The following C1orf94 variants were observed in gnomAD, a reference collection of about 807,000 sequenced individuals.
C1orf94 encodes uncharacterized protein C1orf94.
In C1orf94, 45 loss-of-function variants were observed where a neutral mutation model predicts 53.6. The observed-to-expected ratio is 0.84, with a 90% CI of 0.66 to 1.08. The LOEUF is 1.08. Ranked by LOEUF, C1orf94 falls within the 50% of genes least tolerant of loss-of-function variation. The probability of loss-of-function intolerance (pLI) is 0.00; values close to 1 mark genes in which losing one functional copy is unlikely to be tolerated. For synonymous variants in C1orf94, 304 were observed against 296.1 expected (o/e 1.03, Z -0.27); for missense variants, 762 against 738.9 (o/e 1.03, Z -0.36).
At chr1:34,181,222 T>C (rs909307323) in intron 1 of C1orf94, among the ~76,000 whole-genome samples, 1 of 152,182 alleles carries the variant, frequency 6.6e-6, no homozygotes, top group African/African-American at 2.4e-5. Flanking sequence ...TCCCAGAATG[T>C]TTTTGTCTCT....
At chr1:34,195,187 C>A (rs914917739) in intron 1 of C1orf94, among the ~76,000 whole-genome samples, 4 of 152,126 alleles carry the variant, frequency 2.6e-5, no homozygotes, top group African/African-American at 4.8e-5. Context: ...CCTTCAGGAG[C>A]TGGCCGGGAC....
exon 1 of C1orf94, chr1:34,167,055 C>T (rs1314785194): frequency 6.6e-6 from 1 of 152,404 alleles, no homozygotes; most frequent in Admixed American, 6.5e-5. Flanking sequence ...GCTTTATGTT[C>T]CCGGGGCAGT....
At chr1:34,215,166 A>G (rs1642964097) in intron 6 of C1orf94, among the ~76,000 whole-genome samples, 1 of 152,210 alleles carries the variant, frequency 6.6e-6, no homozygotes, top group East Asian at 1.9e-4. Flanking sequence ...GCCAAGATCT[A>G]AATGAGATGA....
intron 1 of C1orf94, among the ~76,000 whole-genome samples, chr1:34,168,566 A>G (rs1642088808): frequency 6.6e-6 from 1 of 152,214 alleles, no homozygotes; most frequent in South Asian, 2.1e-4. Context: ...ACAAAGTACC[A>G]TAGACCCTGT....
At chr1:34,215,774 G>T (rs377723573) in intron 6 of C1orf94, among the ~76,000 whole-genome samples, 1 of 152,192 alleles carries the variant, frequency 6.6e-6, no homozygotes, top group African/African-American at 2.4e-5. Flanking sequence ...CGGAGACCGA[G>T]GTGGGTGGAT....
chr1:34,218,482 A>G (rs1385011372), intron 6 of C1orf94, among the ~76,000 whole-genome samples: 3 of 152,126 alleles, frequency 2.0e-5, no homozygotes, highest in African/African-American at 7.2e-5. Context: ...CATAAGGAGA[A>G]GCGCTTGATT....
At chr1:34,205,018 G>A (rs1642769545) in intron 4 of C1orf94, among the ~76,000 whole-genome samples, 1 of 152,218 alleles carries the variant, frequency 6.6e-6, no homozygotes, top group Non-Finnish European at 1.5e-5. Context: ...CCCTCACAGA[G>A]CTCACCGTGT....
intron 4 of C1orf94, among the ~76,000 whole-genome samples, chr1:34,205,907 A>G (rs1642785718): frequency 6.6e-6 from 1 of 152,142 alleles, no homozygotes; most frequent in South Asian, 2.1e-4. Flanking sequence ...TGAAGGAGGG[A>G]GGGTGCGTGG....
chr1:34,202,987 G>C (rs1024646039), intron 4 of C1orf94, among the ~76,000 whole-genome samples: 3 of 152,228 alleles, frequency 2.0e-5, no homozygotes, highest in Admixed American at 6.5e-5. Context: ...GTAATCTAGA[G>C]ATTAAAGGAT....
In C1orf94 at chr1:34,214,995, C is replaced by T. The variant is rs11801230; in HGVS notation, c.1721+2589C>T. On this transcript the variant is annotated intron_variant, in intron 6 of 6. Coordinates refer to ENST00000488417, the MANE Select transcript of C1orf94 (RefSeq NM_001134734.2). ...ATGTGCCTGGCACTGTTGTAGACAC[C>T]AGGGATAATGAAGTGAACGAAAAAA... Among the ~76,000 whole-genome samples, 783 of 152,192 alleles carry T rather than the reference C, an allele frequency of 5.1e-3. 9 individuals are homozygous for T. The highest frequency in any genetic ancestry group is 0.018 in the African/African-American group (742 of 41,526).
At chr1:34,190,069 GT>G (rs1642458009) in intron 1 of C1orf94, among the ~76,000 whole-genome samples, 1 of 152,196 alleles carries the variant, frequency 6.6e-6, no homozygotes, top group African/African-American at 2.4e-5. Flanking sequence ...GTCAATTTGA[GT>G]ACATCTTTTA....
At chr1:34,207,265 GTGTGTGTGT>G (rs1557488506) in intron 4 of C1orf94, among the ~76,000 whole-genome samples, 357 of 10,020 alleles carry the variant, frequency 0.036, no homozygotes, top group Middle Eastern at 0.14. Flanking sequence ...TCTGCGGGGT[GTGTGTGTGT>G]GTGTGTGTGT....
At chr1:34,214,804 A>G (rs888728599) in intron 6 of C1orf94, among the ~76,000 whole-genome samples, 1 of 152,178 alleles carries the variant, frequency 6.6e-6, no homozygotes, top group Non-Finnish European at 1.5e-5. Flanking sequence ...AGCCAGAGAC[A>G]GTGGAGGCAA....
chr1:34,200,949 A>T lies in C1orf94; in HGVS notation c.1187A>T (p.Tyr396Phe). ...TGTCCAGCCGAGAAGAACTTGCTCT[A>T]TGAGTTCCTTGGGGCCACCAAGAAC... ...PTCPAEKNLL[Y>F]EFLGATKNPS... The change falls in exon 3 of 7, where the codon TAT (tyrosine) becomes TTT (phenylalanine). Residue 396 changes from tyrosine to phenylalanine, a missense_variant. By Grantham distance (22) the Tyr-to-Phe change is conservative. Coordinates refer to ENST00000488417, the MANE Select transcript of C1orf94 (RefSeq NM_001134734.2). 6.2e-7 allele frequency: 1 copy of T among 1,614,038 alleles called. No homozygotes were observed. The highest frequency in any genetic ancestry group is 1.7e-5 in the Admixed American group (1 of 60,000).
intron 1 of C1orf94, among the ~76,000 whole-genome samples, chr1:34,191,021 A>G (rs752847145): frequency 3.3e-5 from 5 of 152,210 alleles, no homozygotes; most frequent in South Asian, 4.1e-4. Context: ...ATTGGCTGAC[A>G]CAACTTGGAG....
In C1orf94 at chr1:34,197,302, ACTCGATC is replaced by A; in HGVS notation, c.401_407del (p.Ser134TrpfsTer31). The A allele has an allele frequency of 6.4e-7, 1 of 1,556,344 alleles. No homozygotes were observed. The highest frequency in any genetic ancestry group is 1.2e-5 in the South Asian group (1 of 84,904). ...GAGTTCCTAAGCCTCACCAAAGAGC[ACTCGATC>A]CTGGTCGAAGAGAGTTCTGGGGAGC... On this transcript the variant is annotated frameshift_variant, in exon 2 of 7. Coordinates refer to ENST00000488417, the MANE Select transcript of C1orf94 (RefSeq NM_001134734.2). LOFTEE classifies it high-confidence loss of function. The surrounding 1 kb of genome is among the most constrained non-coding windows in gnomAD (Gnocchi z 4.1).
chr1:34,218,765 T>C lies in C1orf94; in HGVS notation c.*4T>C. On this transcript the variant is annotated 3_prime_UTR_variant, in exon 7 of 7. Transcript: ENST00000488417. ...TGGGAATGGCATAAACTTTTAGATC[T>C]CCTCTTCTCCCTTCTCCTCCCTTAG... The C allele has an allele frequency of 6.2e-7, 1 of 1,610,512 alleles. No homozygotes were observed. The highest frequency in any genetic ancestry group is 8.5e-7 in the Non-Finnish European group (1 of 1,177,516).
chr1:34,215,955 G>A (rs1298643389), intron 6 of C1orf94, among the ~76,000 whole-genome samples: 17 of 152,254 alleles, frequency 1.1e-4, no homozygotes, highest in Non-Finnish European at 2.1e-4. Flanking sequence ...GCAGTGAGCC[G>A]AGATCATGCC....
At chr1:34,196,711 G>A (rs1642591288) in intron 1 of C1orf94, among the ~76,000 whole-genome samples, 1 of 152,150 alleles carries the variant, frequency 6.6e-6, no homozygotes, top group Non-Finnish European at 1.5e-5. Flanking sequence ...CTGGATCAGG[G>A]TGTAAGCTTA....
Sources: allele counts gnomAD v4.1 joint callset (sites outside exome capture counted in the v4.1 genomes callset), GRCh38; gene constraint gnomAD v4.1.1; non-coding constraint Gnocchi (gnomAD v3.1); transcripts MANE v1.5; gene names NCBI Gene and HGNC (gene_info 2026-07-23, HGNC 2026-07-21).